The following AFF1 variants were observed in gnomAD, a reference collection of about 807,000 sequenced individuals.
AFF1 encodes AF4/FMR2 family member 1.
AFF1 carries 48 observed loss-of-function variants against 121.7 expected under a neutral mutation model. The ratio of observed to expected loss-of-function variants is 0.39; its 90% CI spans 0.31 to 0.50. AFF1 has a LOEUF of 0.50. Ranked by LOEUF, AFF1 falls within the 20% of genes least tolerant of loss-of-function variation. The pLI is 0.76. For synonymous variants in AFF1, 613 were observed against 563.0 expected, an observed-to-expected ratio of 1.09 and a Z score of -1.26; for missense variants, 1,523 against 1,511.7, an observed-to-expected ratio of 1.01 and a Z score of -0.12.
chr4:87,120,638 G>A (rs1335482119), intron 12 of AFF1, among the ~76,000 whole-genome samples: 4 of 152,194 alleles, frequency 2.6e-5, no homozygotes, highest in Admixed American at 1.3e-4. Context: ...TGGCTCTGGC[G>A]CTGCCGGTGA....
intron 1 of AFF1, among the ~76,000 whole-genome samples, chr4:86,937,198 G>A (rs998339250): frequency 3.9e-5 from 6 of 152,172 alleles, no homozygotes; most frequent in African/African-American, 1.4e-4. Context: ...TGAATTTGTG[G>A]CTTTGGCATT....
At chr4:87,131,320 G>C in intron 17 of AFF1, 101 bp downstream of exon 17, 1 of 1,465,728 alleles carries the variant, frequency 6.8e-7, no homozygotes, top group Non-Finnish European at 9.2e-7. Context: ...GCTCAATAAA[G>C]GGGAGCCTTA....
Position 87,115,609 on chromosome 4 carries a change from C to CTTTTTTTTTTTTTTTTT in AFF1, c.2466+326_2466+327insTTTTTTTTTTTTTTTTT, listed in dbSNP as rs71660115. On this transcript the variant is annotated intron_variant, in intron 12 of 20. Coordinates refer to ENST00000395146, the MANE Select transcript of AFF1 (RefSeq NM_001166693.3). ...ATCTAGGGCCGCCCCCAACCCACCT[C>CTTTTTTTTTTTTTTTTT]TTTTTTTTTTTTTTTTCCAAAGACA... 7.6e-4 allele frequency among the ~76,000 whole-genome samples: 31 copies of CTTTTTTTTTTTTTTTTT among 40,660 alleles called. 4 individuals carry two copies. Among genetic ancestry groups the CTTTTTTTTTTTTTTTTT allele is most frequent in the African/African-American group, 1.9e-3 (24 of 12,392 alleles). The allele number at this position is 40,660 out of a possible 152,430, so 26.7% of individuals were successfully genotyped here.
intron 4 of AFF1, among the ~76,000 whole-genome samples, chr4:87,081,035 G>A (rs141602229): frequency 7.9e-5 from 12 of 152,184 alleles, no homozygotes; most frequent in Non-Finnish European, 1.8e-4. Context: ...CAAAATGTAG[G>A]TGAGCAGAAG....
rs1337086242 is a variant in AFF1 at position 87,139,109 on chromosome 4, T to A, written c.*3408T>A. On this transcript the variant is annotated 3_prime_UTR_variant, in exon 21 of 21. Transcript: ENST00000395146. The stretch of plus-strand genomic sequence containing the variant: ...TGTCCTCTACAATTAACAAAACTTA[T>A]CTCTGATATACAAAGGGATATAAAT... 4.4e-6 allele frequency: 1 copy of A among 228,082 alleles called. No individual in the cohort carries two copies. The highest frequency in any genetic ancestry group is 2.2e-5 in the African/African-American group (1 of 45,102). 14.1% of individuals were successfully genotyped at this position (228,082 alleles called of 1,614,324 possible).
At chr4:86,981,396 C>T (rs1475279494) in intron 2 of AFF1, among the ~76,000 whole-genome samples, 1 of 152,050 alleles carries the variant, frequency 6.6e-6, no homozygotes, top group East Asian at 1.9e-4. Context: ...GAGATGGAGT[C>T]TCACTCTGTT....
intron 1 of AFF1, among the ~76,000 whole-genome samples, chr4:86,937,250 T>C (rs918567972): frequency 2.0e-5 from 3 of 152,250 alleles, no homozygotes; most frequent in Non-Finnish European, 2.9e-5. Flanking sequence ...TTTTGAAGAA[T>C]CACAGTGTGT....
At chr4:87,013,845 G>C (rs1298551174) in intron 2 of AFF1, among the ~76,000 whole-genome samples, 1 of 152,080 alleles carries the variant, frequency 6.6e-6, no homozygotes, top group Non-Finnish European at 1.5e-5. Flanking sequence ...CCCTCCCCCA[G>C]AGATTCTGAA....
chr4:87,007,028 TG>T (rs1386132058), intron 2 of AFF1: 9 of 1,156,322 alleles, frequency 7.8e-6, no homozygotes, highest in Non-Finnish European at 9.6e-6. Flanking sequence ...CGCGTTGTGC[TG>T]TTGCTGGGCA....
chr4:87,029,399 T>C (rs1728847900), intron 2 of AFF1, among the ~76,000 whole-genome samples: 1 of 152,222 alleles, frequency 6.6e-6, no homozygotes, highest in African/African-American at 2.4e-5. Context: ...CTCCTTACAC[T>C]GTCAGCCTGA....
chr4:87,069,978 G>A lies in AFF1; in HGVS notation c.1060-14142G>A, dbSNP rs143090065. Among the ~76,000 whole-genome samples, 802 of 150,516 alleles carry A rather than the reference G, an allele frequency of 5.3e-3. 7 individuals are homozygous for A. Among genetic ancestry groups the A allele is most frequent in the African/African-American group, 0.019 (760 of 40,928 alleles). On this transcript the variant is annotated intron_variant, in intron 4 of 20. Coordinates refer to ENST00000395146, the MANE Select transcript of AFF1 (RefSeq NM_001166693.3). ...TGGGATTACAGGCGTGTGCCACAAC[G>A]CCTGACTAATTTTTTGTTGTTGGTT...
intron 2 of AFF1, among the ~76,000 whole-genome samples, chr4:86,965,354 A>G (rs1011259659): frequency 1.4e-4 from 22 of 152,202 alleles, no homozygotes; most frequent in African/African-American, 5.3e-4. Context: ...TAATTTGTCA[A>G]TGTTTTCTCA....
chr4:86,985,161 A>ATATATAATATGTATTACTATATATAT (rs1560518209), intron 2 of AFF1, among the ~76,000 whole-genome samples: 5 of 36,978 alleles, frequency 1.4e-4, no homozygotes, highest in Non-Finnish European at 2.8e-4. Context: ...ATAAAAATAT[A>ATATATAATATGTATTACTATATATAT]ATATATATAA....
intron 4 of AFF1, among the ~76,000 whole-genome samples, chr4:87,049,095 AGG>A (rs34105259): frequency 0.54 from 61,230 of 113,536 alleles, 15,624 homozygotes; most frequent in Middle Eastern, 0.62. Context: ...AAAAAAAAAA[AGG>A]GGGGGGGGGG....
chr4:87,080,128 C>T (rs1036270002), intron 4 of AFF1, among the ~76,000 whole-genome samples: 1 of 152,108 alleles, frequency 6.6e-6, no homozygotes, highest in Non-Finnish European at 1.5e-5. Flanking sequence ...GGTCTACATA[C>T]AGGAAGCCAG....
intron 2 of AFF1, chr4:87,007,259 T>C: frequency 6.6e-7 from 1 of 1,507,870 alleles, no homozygotes; most frequent in Non-Finnish European, 8.8e-7. Flanking sequence ...CGCCCGGGGC[T>C]CGAGAGCAGG....
Position 87,012,913 on chromosome 4 carries a change from G to A in AFF1, c.39-33253G>A, listed in dbSNP as rs556924483. Among the ~76,000 whole-genome samples the A allele has an allele frequency of 2.6e-5, 4 of 152,156 alleles. No individual in the cohort carries two copies. In the East Asian group the frequency reaches 7.7e-4, roughly 29 times the overall value. On this transcript the variant is annotated intron_variant, in intron 2 of 20. Coordinates refer to ENST00000395146, the MANE Select transcript of AFF1 (RefSeq NM_001166693.3). ...ACAGTGAGTTAAAGCTTAACCTGAT[G>A]GCCACAGAGCCAACAGACCTGGCAT... is the stretch of plus-strand genomic sequence containing the variant.
At chr4:86,940,718 T>A (rs1284889645) in intron 1 of AFF1, among the ~76,000 whole-genome samples, 1 of 152,148 alleles carries the variant, frequency 6.6e-6, no homozygotes, top group Non-Finnish European at 1.5e-5. Context: ...CTTTTATAGT[T>A]GTCAGTAAGT....
chr4:87,091,409 C>CA (rs1418867671), intron 6 of AFF1, among the ~76,000 whole-genome samples: 1 of 151,760 alleles, frequency 6.6e-6, no homozygotes, highest in Non-Finnish European at 1.5e-5. Context: ...GTCTCAAAAA[C>CA]AAAAAACAAA....
Sources: gnomAD v4.1 joint callset for allele counts (sites outside exome capture counted in the v4.1 genomes callset) on GRCh38, gnomAD v4.1.1 for gene constraint, MANE v1.5 for transcripts, NCBI Gene and HGNC (gene_info 2026-07-23, HGNC 2026-07-21) for gene names.